The following ANK1 variants were observed in gnomAD, a reference collection of about 807,000 sequenced individuals.
ANK1 encodes the protein ankyrin 1, also known as ankyrin-1.
In ANK1, 51 loss-of-function variants were observed where a neutral mutation model predicts 210.4. The ratio of observed to expected loss-of-function variants is 0.24; its 90% CI spans 0.19 to 0.31. The LOEUF is 0.31. ANK1 is among the 10% of genes least tolerant of loss of function. The pLI is 1.00. For missense variants in ANK1, 2,051 were observed against 2,504.4 expected, an observed-to-expected ratio of 0.82 and a Z score of 3.86; for synonymous variants, 967 against 1,025.9, an observed-to-expected ratio of 0.94 and a Z score of 1.10.
upstream of ANK1, among the ~76,000 whole-genome samples, chr8:41,801,710 T>C (rs2150776610): frequency 6.6e-6 from 1 of 152,350 alleles, no homozygotes; most frequent in African/African-American, 2.4e-5. Context: ...TCTGTTATGT[T>C]GTTTGTCTTT....
chr8:41,786,720 G>A (rs1586939595), intron 1 of ANK1, among the ~76,000 whole-genome samples: 1 of 152,264 alleles, frequency 6.6e-6, no homozygotes, highest in Admixed American at 6.5e-5. Context: ...CTCAGATGCA[G>A]GCATGAGGAC....
intron 2 of ANK1, among the ~76,000 whole-genome samples, chr8:41,748,884 A>C (rs896181217): frequency 6.6e-6 from 1 of 152,018 alleles, no homozygotes; most frequent in Admixed American, 6.5e-5. Flanking sequence ...AAATACAAAA[A>C]ATTAGCCGGG....
At chr8:41,721,161 G>A (rs376923537) in intron 9 of ANK1, among the ~76,000 whole-genome samples, 1 of 152,150 alleles carries the variant, frequency 6.6e-6, no homozygotes, top group East Asian at 1.9e-4. Context: ...GCTAAAATGA[G>A]GTCATTAGTG....
chr8:41,655,815 C>A, intron 42 of ANK1, 62 bp from the exon 43 acceptor site: 1 of 1,561,740 alleles, frequency 6.4e-7, no homozygotes, highest in Non-Finnish European at 8.8e-7. Context: ...CCAGCAAAAA[C>A]CCCACACACA....
At chr8:41,741,308 A>G (rs1464107452) in intron 2 of ANK1, among the ~76,000 whole-genome samples, 1 of 152,068 alleles carries the variant, frequency 6.6e-6, no homozygotes, top group Non-Finnish European at 1.5e-5. Flanking sequence ...CCTCCTACAC[A>G]CCTGGCTGTC....
chr8:41,692,058 AC>A, intron 31 of ANK1, among the ~76,000 whole-genome samples: 1 of 142,234 alleles, frequency 7.0e-6, no homozygotes, highest in East Asian at 2.0e-4. Flanking sequence ...GCTGGCTAGC[AC>A]TTTTTTTTTT....
At chr8:41,711,043 G>A (rs1396548601) in intron 16 of ANK1, among the ~76,000 whole-genome samples, 2 of 152,212 alleles carry the variant, frequency 1.3e-5, no homozygotes, top group African/African-American at 4.8e-5. Flanking sequence ...ACATTAAATT[G>A]TTCTTCGTAG....
At chr8:41,784,258 C>G (rs1845917229) in intron 1 of ANK1, among the ~76,000 whole-genome samples, 1 of 152,180 alleles carries the variant, frequency 6.6e-6, no homozygotes, top group Non-Finnish European at 1.5e-5. Context: ...CCCCCACTCT[C>G]TCTACCCCAT....
intron 37 of ANK1, among the ~76,000 whole-genome samples, chr8:41,682,270 C>T (rs533459474): frequency 4.6e-5 from 7 of 152,272 alleles, no homozygotes; most frequent in Non-Finnish European, 7.3e-5. Context: ...ACCTCAGTGC[C>T]GACGCATGGC....
chr8:41,876,188 G>A (rs1038860960), intron 1 of ANK1, among the ~76,000 whole-genome samples: 1 of 152,108 alleles, frequency 6.6e-6, no homozygotes, highest in African/African-American at 2.4e-5. Context: ...AGGCGGGCGC[G>A]GGGACGGCCC....
At chr8:41,714,902 G>C in intron 15 of ANK1, 74 bp downstream of exon 15, 2 of 1,404,576 alleles carry the variant, frequency 1.4e-6, no homozygotes, top group South Asian at 1.2e-5. Context: ...GATGGAATCT[G>C]CAAGTGCTGA....
intron 1 of ANK1, among the ~76,000 whole-genome samples, chr8:41,832,209 C>T (rs1401972513): frequency 6.6e-6 from 1 of 152,088 alleles, no homozygotes; most frequent in Non-Finnish European, 1.5e-5. Flanking sequence ...AAAAATCAAG[C>T]CCAGATCCTG....
In ANK1 at chr8:41,732,601, T is replaced by C. The variant is rs1273044583; in HGVS notation, c.228+1370A>G. 3.3e-5 allele frequency among the ~76,000 whole-genome samples: 5 copies of C among 151,074 alleles called. No homozygotes were observed. The South Asian group carries it at 6.3e-4, about 19-fold the overall frequency. ...CTGATTTTTGTATGTTTAGTAAAGA[T>C]GGGGTTTCGCCATGTTGGCTGGGCT... On this transcript the variant is annotated intron_variant, in intron 3 of 42. Transcript: ENST00000289734.
chr8:41,740,088 T>A (rs1312657154), intron 2 of ANK1, among the ~76,000 whole-genome samples: 1 of 151,990 alleles, frequency 6.6e-6, no homozygotes, highest in East Asian at 1.9e-4. Context: ...TCACTTGCAC[T>A]GGTCTTGGGT....
intron 1 of ANK1, among the ~76,000 whole-genome samples, chr8:41,790,563 C>A (rs950036685): frequency 1.3e-5 from 2 of 152,110 alleles, no homozygotes; most frequent in Non-Finnish European, 2.9e-5. Context: ...CTCCCACCCC[C>A]ACCCCACCAA....
intron 1 of ANK1, among the ~76,000 whole-genome samples, chr8:41,850,525 A>G (rs1422015001): frequency 6.6e-6 from 1 of 152,214 alleles, no homozygotes; most frequent in African/African-American, 2.4e-5. Context: ...TTGTCACCCA[A>G]GCTGGAATGC....
chr8:41,754,617 A>G (rs932277052), intron 2 of ANK1, among the ~76,000 whole-genome samples: 1 of 152,232 alleles, frequency 6.6e-6, no homozygotes, highest in Non-Finnish European at 1.5e-5. Context: ...TTCTCTTGCC[A>G]TGACCCCGGG....
Position 41,725,919 on chromosome 8 carries a change from G to A in ANK1, c.454C>T (p.Leu152=), listed in dbSNP as rs1830575323. 1 of 1,613,542 alleles carries A rather than the reference G, an allele frequency of 6.2e-7. No homozygotes were observed. Among genetic ancestry groups the A allele is most frequent in the Admixed American group, 1.7e-5 (1 of 60,002 alleles). ...ACGACGTTCTCATGGCCCTGCTGCA[G>A]GGCTACCGCCAGAGGCGTGAAGCCG... ...EDGFTPLAVA[L]QQGHENVVAH... The change falls in exon 6 of 43, where the codon CTG becomes TTG. Residue 152 remains leucine (L), a synonymous_variant. Transcript: ENST00000289734.
In ANK1 at chr8:41,736,431, C is replaced by A. The variant is rs146933081; in HGVS notation, c.130-2362G>T. ...TTCTGCAAGCGCTCTTCCAACCCAGCGGCAGCCTTATCTAGAAGCTTCCTA... is the reference window on the plus strand; with the variant it reads ...TTCTGCAAGCGCTCTTCCAACCCAGAGGCAGCCTTATCTAGAAGCTTCCTA... On this transcript the variant is annotated intron_variant, in intron 2 of 42. Transcript: ENST00000289734. 9.3e-3 allele frequency among the ~76,000 whole-genome samples: 1,423 copies of A among 152,330 alleles called. 10 individuals are homozygous for A. The highest frequency in any genetic ancestry group is 0.014 in the Non-Finnish European group (925 of 68,028).
Sources: gnomAD v4.1 joint callset for allele counts (sites outside exome capture counted in the v4.1 genomes callset) on GRCh38, gnomAD v4.1.1 for gene constraint, MANE v1.5 for transcripts, NCBI Gene and HGNC (gene_info 2026-07-23, HGNC 2026-07-21) for gene names.